The following CFAP107 variants were observed in gnomAD, a reference collection of about 807,000 sequenced individuals.
CFAP107 encodes the protein cilia- and flagella-associated protein 107.
chr1:12,755,376 G>A, the CFAP107 span, among the ~76,000 whole-genome samples: 1 of 151,608 alleles, frequency 6.6e-6, no homozygotes, highest in Non-Finnish European at 1.5e-5. Context: ...CTGCACTCCA[G>A]CCTGGTGACA....
At chr1:12,757,232 T>A in the CFAP107 span, among the ~76,000 whole-genome samples, 1 of 152,258 alleles carries the variant, frequency 6.6e-6, no homozygotes, top group Admixed American at 6.5e-5. Flanking sequence ...GACTAAGAGT[T>A]TAACATACAG....
the CFAP107 span, chr1:12,755,897 G>GTACC: frequency 1.1e-6 from 1 of 915,358 alleles, no homozygotes; most frequent in Non-Finnish European, 1.7e-6. Context: ...TATAGGCTTA[G>GTACC]TACCGTCTTG....
At chr1:12,754,869 A>G in the CFAP107 span, among the ~76,000 whole-genome samples, 2 of 152,180 alleles carry the variant, frequency 1.3e-5, no homozygotes, top group African/African-American at 2.4e-5. Context: ...GAGAATGGAG[A>G]GTTGGTGCTT....
chr1:12,760,152 TAA>T, the CFAP107 span, among the ~76,000 whole-genome samples: 1 of 152,126 alleles, frequency 6.6e-6, no homozygotes, highest in Non-Finnish European at 1.5e-5. Flanking sequence ...GAAAAAGTTC[TAA>T]GGCAGGAATG....
the CFAP107 span, chr1:12,761,437 C>T: frequency 6.5e-6 from 1 of 152,966 alleles, no homozygotes; most frequent in African/African-American, 2.4e-5. Context: ...CTGTCATTGC[C>T]AAGGCAGAGG....
At chr1:12,755,887 T>C in the CFAP107 span, 1 of 1,024,776 alleles carries the variant, frequency 9.8e-7, no homozygotes, top group South Asian at 1.3e-5. Flanking sequence ...GCCAGCTTCT[T>C]ATAGGCTTAG....
chr1:12,755,688 G>A, the CFAP107 span: 3 of 1,559,118 alleles, frequency 1.9e-6, no homozygotes, highest in East Asian at 4.5e-5. Flanking sequence ...CTGAATATTT[G>A]GTCTTTTCCA....
the CFAP107 span, chr1:12,755,919 G>C: frequency 1.3e-6 from 1 of 746,470 alleles, no homozygotes; most frequent in Non-Finnish European, 2.3e-6. Flanking sequence ...GGGAAATCAG[G>C]AGTAGTCTCA....
the CFAP107 span, chr1:12,746,595 G>A: frequency 3.8e-6 from 5 of 1,306,292 alleles, no homozygotes; most frequent in East Asian, 1.2e-4. Flanking sequence ...ATGGGGAGAG[G>A]CAGGAGTGAA....
At chr1:12,759,519 T>C in the CFAP107 span, 15 of 1,613,438 alleles carry the variant, frequency 9.3e-6, no homozygotes, top group Non-Finnish European at 1.3e-5. Flanking sequence ...TTCCTCTGCG[T>C]TGGTCTGTAA....
the CFAP107 span, among the ~76,000 whole-genome samples, chr1:12,755,282 G>A: frequency 3.3e-5 from 5 of 152,194 alleles, no homozygotes; most frequent in African/African-American, 9.7e-5. Flanking sequence ...GCCCATGCCT[G>A]TAATCCCAGC....
At chr1:12,762,953 T>C in the CFAP107 span, 1 of 152,416 alleles carries the variant, frequency 6.6e-6, no homozygotes, top group Non-Finnish European at 1.5e-5. Context: ...TTGGGAGGCC[T>C]ATATGGGCGG....
the CFAP107 span, among the ~76,000 whole-genome samples, chr1:12,748,219 C>T: frequency 1.3e-5 from 2 of 152,034 alleles, no homozygotes; most frequent in South Asian, 4.2e-4. Context: ...TCTATTTCGT[C>T]TAACTTGGAG....
chr1:12,758,701 A>T, the CFAP107 span, among the ~76,000 whole-genome samples: 16 of 152,206 alleles, frequency 1.1e-4, no homozygotes, highest in Non-Finnish European at 2.2e-4. Context: ...TAGGAAAAGC[A>T]CTGATTCAGG....
At chr1:12,746,834 T>C in the CFAP107 span, among the ~76,000 whole-genome samples, 2 of 152,114 alleles carry the variant, frequency 1.3e-5, no homozygotes, top group African/African-American at 4.8e-5. Context: ...GGTGTCAATA[T>C]AGTCGTGCCT....
At chr1:12,746,347 C>T in the CFAP107 span, 1 of 1,124,980 alleles carries the variant, frequency 8.9e-7, no homozygotes, top group South Asian at 1.3e-5. Context: ...GCACCCCAAA[C>T]TCAGCAACTT....
At chr1:12,749,440 A>T in the CFAP107 span, among the ~76,000 whole-genome samples, 26 of 152,136 alleles carry the variant, frequency 1.7e-4, no homozygotes, top group Admixed American at 1.4e-3. Flanking sequence ...GTAAAACCCT[A>T]TGTCTACAAA....
At chr1:12,746,399 C>G in the CFAP107 span, 2 of 1,566,164 alleles carry the variant, frequency 1.3e-6, no homozygotes, top group South Asian at 1.1e-5. Flanking sequence ...TAAACTGCAT[C>G]AAGTCAAAGA....
chr1:12,757,976 G>A, the CFAP107 span, among the ~76,000 whole-genome samples: 9 of 152,076 alleles, frequency 5.9e-5, no homozygotes, highest in Non-Finnish European at 1.2e-4. Flanking sequence ...GCCAAGTAGT[G>A]GACACTAGAG....
Sources: allele counts gnomAD v4.1 joint callset (sites outside exome capture counted in the v4.1 genomes callset), GRCh38; gene constraint gnomAD v4.1.1; transcripts MANE v1.5; gene names NCBI Gene and HGNC (gene_info 2026-07-23, HGNC 2026-07-21).